SLAMF8: variants seen among roughly 807,000 people sequenced by gnomAD.
SLAMF8 encodes the protein B lymphocyte activator macrophage expressed.
Under a neutral mutation model 29.0 loss-of-function variants are expected in SLAMF8, and 23 were observed. The observed-to-expected ratio is 0.79, with a 90% CI of 0.57 to 1.13. SLAMF8 has a LOEUF of 1.13. SLAMF8 is among the 50% of genes most tolerant of loss of function. SLAMF8 has a pLI of 0.00. For synonymous variants in SLAMF8, 139 were observed against 145.6 expected (o/e 0.96, Z 0.32); for missense variants, 381 against 353.1 (o/e 1.08, Z -0.63).
intron 2 of SLAMF8, among the ~76,000 whole-genome samples, chr1:159,830,828 C>T (rs898654515): frequency 2.6e-5 from 4 of 152,230 alleles, no homozygotes; most frequent in African/African-American, 4.8e-5. Flanking sequence ...CATGGGTTCT[C>T]TCAGTCATTC....
At chr1:159,830,943 G>T (rs188149969) in intron 2 of SLAMF8, among the ~76,000 whole-genome samples, 1 of 152,246 alleles carries the variant, frequency 6.6e-6, no homozygotes, top group East Asian at 1.9e-4. Flanking sequence ...TGCGACTTCT[G>T]CTTCGCATGG....
At chr1:159,832,834 A>T (rs777750219) in intron 2 of SLAMF8, 42 bp from the exon 3 acceptor site, 5 of 1,588,590 alleles carry the variant, frequency 3.1e-6, no homozygotes, top group Non-Finnish European at 2.6e-6. Flanking sequence ...GGCCCTGCCC[A>T]GCATCCCTGA....
At chr1:159,832,831 C>T (rs1308436362) in intron 2 of SLAMF8, 45 bp from the exon 3 acceptor site, 11 of 1,583,760 alleles carry the variant, frequency 6.9e-6, no homozygotes, top group Non-Finnish European at 9.5e-6. Context: ...GTGGGCCCTG[C>T]CCAGCATCCC....
At chr1:159,835,081 A>G in intron 4 of SLAMF8, 103 bp from the exon 5 acceptor site, 2 of 1,032,324 alleles carry the variant, frequency 1.9e-6, no homozygotes, top group Non-Finnish European at 2.9e-6. Flanking sequence ...ACCTAAGGTG[A>G]CCTTGGGCTA....
intron 2 of SLAMF8, among the ~76,000 whole-genome samples, chr1:159,832,396 T>C (rs888313279): frequency 8.5e-5 from 13 of 152,204 alleles, no homozygotes; most frequent in African/African-American, 2.7e-4. Flanking sequence ...TGACATATTG[T>C]GAGAGAAATA....
intron 1 of SLAMF8, among the ~76,000 whole-genome samples, chr1:159,827,775 G>A (rs1003937052): frequency 2.6e-5 from 4 of 151,970 alleles, no homozygotes; most frequent in African/African-American, 9.7e-5. Flanking sequence ...ACATGTGCAG[G>A]AAATCACACC....
intron 1 of SLAMF8, 30 bp from the exon 2 acceptor site, chr1:159,829,834 AGG>A: frequency 6.4e-7 from 1 of 1,565,420 alleles, no homozygotes. Context: ...AGTGTGGGGC[AGG>A]CAGAGTGACC....
rs1005965118 is a variant in SLAMF8, at chr1:159,832,958, G to A, written c.450G>A (p.Leu150=). ...CCTCCAAGACCTGCCAGGTTTTCTT[G>A]TCCTGTTGGGCCCCCAACATCAGCG... is the stretch of plus-strand genomic sequence containing the variant. The part of the protein sequence containing the change: ...AQPSKTCQVF[L]SCWAPNISEI... The change falls in exon 3 of 5, where the codon TTG becomes TTA. Residue 150 remains leucine, a synonymous_variant. Transcript: ENST00000289707. 6.2e-7 allele frequency: 1 copy of A among 1,614,076 alleles called. No individual in the cohort carries two copies. The highest frequency in any genetic ancestry group is 8.5e-7 in the Non-Finnish European group (1 of 1,180,042).
At position 159,836,729 on chromosome 1, in the gene SLAMF8, A is replaced by T. The variant is rs1647969333; in HGVS notation, c.*1469A>T. On this transcript the variant is annotated 3_prime_UTR_variant, in exon 5 of 5. Coordinates refer to ENST00000289707, the MANE Select transcript of SLAMF8 (RefSeq NM_020125.3). ...CAGCACAGCTGGCCTCCAGATCCAC[A>T]TCACCACTCTTCCACTCGATTGTTC... 14 of 985,460 alleles carry T rather than the reference A, an allele frequency of 1.4e-5. No individual in the cohort carries two copies. In the South Asian group the frequency reaches 5.6e-4, roughly 40 times the overall value. The allele number at this position is 985,460 out of a possible 1,614,324, so 61.0% of individuals were successfully genotyped here.
chr1:159,832,653 G>A (rs769517317), intron 2 of SLAMF8, among the ~76,000 whole-genome samples: 1 of 152,252 alleles, frequency 6.6e-6, no homozygotes, highest in Non-Finnish European at 1.5e-5. Flanking sequence ...GCAGCAGGAG[G>A]TACAGCTGGA....
Position 159,835,347 on chromosome 1 carries a change from C to A in SLAMF8, c.*87C>A. Reference sequence around the variant, plus strand: ...TGGGACATAACTGGTGCCTGGAAATCACCATGGTCCTCATATCTCCCATGG... The same window carrying A: ...TGGGACATAACTGGTGCCTGGAAATAACCATGGTCCTCATATCTCCCATGG... On this transcript the variant is annotated 3_prime_UTR_variant, in exon 5 of 5. Transcript: ENST00000289707. 1 of 1,516,988 alleles carries A rather than the reference C, an allele frequency of 6.6e-7. No individual in the cohort carries two copies. The highest frequency in any genetic ancestry group is 8.8e-7 in the Non-Finnish European group (1 of 1,136,310). 94.0% of individuals were successfully genotyped at this position (1,516,988 alleles called of 1,614,324 possible).
Position 159,836,974 on chromosome 1 carries a change from A to C in SLAMF8, c.*1714A>C. 1.0e-6 allele frequency: 1 copy of C among 985,486 alleles called. No homozygotes were observed. The highest frequency in any genetic ancestry group is 1.2e-6 in the Non-Finnish European group (1 of 829,958). The allele number at this position is 985,486 out of a possible 1,614,324, so 61.0% of individuals were successfully genotyped here. On this transcript the variant is annotated 3_prime_UTR_variant, in exon 5 of 5. Transcript: ENST00000289707. ...CACTGAATCATGCAAAACTGGCCTC[A>C]GTCCCTAAAAATGATGTGGAAAGGA...
intron 4 of SLAMF8, 108 bp from the exon 5 acceptor site, chr1:159,835,076 A>G: frequency 2.0e-6 from 2 of 984,358 alleles, no homozygotes; most frequent in Non-Finnish European, 3.1e-6. Context: ...CCTTTACCTA[A>G]GGTGACCTTG....
chr1:159,836,793 T>C lies in SLAMF8; in HGVS notation c.*1533T>C. The C allele has an allele frequency of 5.1e-6, 5 of 985,608 alleles. No homozygotes were observed. Among genetic ancestry groups the C allele is most frequent in the Non-Finnish European group, 6.0e-6 (5 of 830,044 alleles). The allele number at this position is 985,608 out of a possible 1,614,324, so 61.1% of individuals were successfully genotyped here. ...GCCTGGCCTGCTCAGAGGTTCCCTG[T>C]TGGTAACCTGGCTTTATCAAATTCT... On this transcript the variant is annotated 3_prime_UTR_variant, in exon 5 of 5. Transcript: ENST00000289707.
intron 2 of SLAMF8, among the ~76,000 whole-genome samples, chr1:159,832,237 A>G (rs1256999504): frequency 6.6e-6 from 1 of 152,214 alleles, no homozygotes; most frequent in Non-Finnish European, 1.5e-5. Flanking sequence ...CCTCCTTCAC[A>G]GCATTTTGCA....
At chr1:159,827,025 T>A in intron 1 of SLAMF8, 87 bp downstream of exon 1, 1 of 1,535,258 alleles carries the variant, frequency 6.5e-7, no homozygotes, top group Non-Finnish European at 9.0e-7. Context: ...CAGGGATCCC[T>A]CGACCTGGGT....
Position 159,836,974 on chromosome 1 carries a change from A to G in SLAMF8, c.*1714A>G. 1.0e-6 allele frequency: 1 copy of G among 985,486 alleles called. No homozygotes were observed. Among genetic ancestry groups the G allele is most frequent in the Non-Finnish European group, 1.2e-6 (1 of 829,958 alleles). The allele number at this position is 985,486 out of a possible 1,614,324, so 61.0% of individuals were successfully genotyped here. ...CACTGAATCATGCAAAACTGGCCTC[A>G]GTCCCTAAAAATGATGTGGAAAGGA... On this transcript the variant is annotated 3_prime_UTR_variant, in exon 5 of 5. Coordinates refer to ENST00000289707, the MANE Select transcript of SLAMF8 (RefSeq NM_020125.3).
In SLAMF8 at chr1:159,835,314, C is replaced by T. The variant is rs1432419466; in HGVS notation, c.*54C>T. On this transcript the variant is annotated 3_prime_UTR_variant, in exon 5 of 5. Coordinates refer to ENST00000289707, the MANE Select transcript of SLAMF8 (RefSeq NM_020125.3). ...TCAGTAACCCCACTGCACAGGCACA[C>T]GATGCTCTGGGACATAACTGGTGCC... 62 of 1,587,928 alleles carry T rather than the reference C, an allele frequency of 3.9e-5. No homozygotes were observed. The highest frequency in any genetic ancestry group is 2.1e-4 in the Middle Eastern group (1 of 4,724).
Position 159,837,155 on chromosome 1 carries a change from T to C in SLAMF8, c.*1895T>C. ...AGCTCTCCCTCCACAAGGTGACTCT[T>C]AGCAACCTCATTTCGACAGTGGTTT... On this transcript the variant is annotated 3_prime_UTR_variant, in exon 5 of 5. Transcript: ENST00000289707. The C allele has an allele frequency of 1.0e-6, 1 of 985,480 alleles. No individual in the cohort carries two copies. The highest frequency in any genetic ancestry group is 4.7e-5 in the South Asian group (1 of 21,288). The allele number at this position is 985,480 out of a possible 1,614,324, so 61.0% of individuals were successfully genotyped here.
Sources: gnomAD v4.1 joint callset for allele counts (sites outside exome capture counted in the v4.1 genomes callset) on GRCh38, gnomAD v4.1.1 for gene constraint, MANE v1.5 for transcripts, NCBI Gene and HGNC (gene_info 2026-07-23, HGNC 2026-07-21) for gene names.